MARCHF1: variants seen among roughly 807,000 people sequenced by gnomAD.
MARCHF1 encodes E3 ubiquitin-protein ligase MARCHF1.
In MARCHF1, 40 loss-of-function variants were observed where a neutral mutation model predicts 54.2. That is an observed-to-expected ratio of 0.74 (90% CI 0.57 to 0.96). The LOEUF (loss-of-function observed/expected upper bound fraction) is 0.96. Among genes scored for constraint, MARCHF1 ranks in the 40% least tolerant of loss-of-function variants. The pLI, the probability that MARCHF1 is intolerant of heterozygous loss-of-function variation, is 0.00. For synonymous variants in MARCHF1, 236 were observed against 236.3 expected, an observed-to-expected ratio of 1.00 and a Z score of 0.01; for missense variants, 586 against 656.5, an observed-to-expected ratio of 0.89 and a Z score of 1.17.
chr4:164,275,464 A>G (rs1203206765), intron 1 of MARCHF1, among the ~76,000 whole-genome samples: 1 of 152,178 alleles, frequency 6.6e-6, no homozygotes, highest in Admixed American at 6.5e-5. Context: ...GAGTGGGGGA[A>G]AGGTTAAAAA....
chr4:163,973,625 C>G (rs954369071), intron 3 of MARCHF1, among the ~76,000 whole-genome samples: 11 of 152,124 alleles, frequency 7.2e-5, no homozygotes, highest in African/African-American at 2.7e-4. Context: ...CGGGTTGTTA[C>G]AGTAATTAAC....
chr4:164,274,659 CTTTTTTTTTTT>C lies in MARCHF1; in HGVS notation c.-323+109200_-323+109210del, dbSNP rs70952617. On this transcript the variant is annotated intron_variant, in intron 1 of 9. Coordinates refer to ENST00000514618, the MANE Select transcript of MARCHF1 (RefSeq NM_001394959.1). ...CGCTTGATGTGTGCTTCAGGGTACACTTTTTTTTTTTTTTTTTTTTTTTTTTTTTTTTTTTT... is the reference window on the plus strand; with the variant it reads ...CGCTTGATGTGTGCTTCAGGGTACACTTTTTTTTTTTTTTTTTTTTTTTTT... Among the ~76,000 whole-genome samples, 357 of 44,656 alleles carry C rather than the reference CTTTTTTTTTTT, an allele frequency of 8.0e-3. 28 individuals carry two copies. Among genetic ancestry groups the C allele is most frequent in the African/African-American group, 0.024 (319 of 13,416 alleles). The allele number at this position is 44,656 out of a possible 152,430, so 29.3% of individuals were successfully genotyped here.
At chr4:164,169,612 G>T (rs1730471257) in intron 1 of MARCHF1, among the ~76,000 whole-genome samples, 1 of 152,070 alleles carries the variant, frequency 6.6e-6, no homozygotes, top group Non-Finnish European at 1.5e-5. Flanking sequence ...ACCCCCAAAA[G>T]AGAAATATAT....
intron 3 of MARCHF1, among the ~76,000 whole-genome samples, chr4:163,886,675 G>A (rs1329656344): frequency 6.6e-6 from 1 of 152,072 alleles, no homozygotes; most frequent in African/African-American, 2.4e-5. Flanking sequence ...AACTTCTATA[G>A]AATTCTCACT....
intron 9 of MARCHF1, among the ~76,000 whole-genome samples, chr4:163,532,163 G>A (rs1329845375): frequency 2.0e-5 from 3 of 151,774 alleles, no homozygotes; most frequent in Non-Finnish European, 4.4e-5. Context: ...GAAGAATAAA[G>A]TTTTTGAAAA....
In MARCHF1 at chr4:163,525,046, GT is replaced by G. The variant is rs1738049099; in HGVS notation, c.*3701del. The stretch of plus-strand genomic sequence containing the variant: ...TGGGCTGACTTAGGAAAGAAAAAAG[GT>G]TTTCATCTTTCTTAATTAAAGTATT... On this transcript the variant is annotated 3_prime_UTR_variant, in exon 10 of 10. Coordinates refer to ENST00000514618, the MANE Select transcript of MARCHF1 (RefSeq NM_001394959.1). 6.6e-6 allele frequency: 1 copy of G among 151,998 alleles called. No homozygotes were observed. The highest frequency in any genetic ancestry group is 2.4e-5 in the African/African-American group (1 of 41,396). The allele number at this position is 151,998 out of a possible 1,614,324, so 9.4% of individuals were successfully genotyped here. A position where few individuals can be genotyped will look rare whatever the true frequency, so the allele number is the denominator to read the frequency against.
chr4:164,141,933 C>T (rs974011188), intron 1 of MARCHF1, among the ~76,000 whole-genome samples: 1 of 119,926 alleles, frequency 8.3e-6, no homozygotes, highest in Non-Finnish European at 1.6e-5. Flanking sequence ...CTAGGGAGTG[C>T]CAGACAGTGG....
At chr4:164,159,879 T>C (rs1211442771) in intron 1 of MARCHF1, among the ~76,000 whole-genome samples, 1 of 152,116 alleles carries the variant, frequency 6.6e-6, no homozygotes, top group Non-Finnish European at 1.5e-5. Flanking sequence ...CTGGACCTCA[T>C]TCTTCATCTG....
chr4:163,901,839 T>C (rs1183212753), intron 3 of MARCHF1, among the ~76,000 whole-genome samples: 1 of 152,190 alleles, frequency 6.6e-6, no homozygotes, highest in Non-Finnish European at 1.5e-5. Flanking sequence ...CCAACAACGG[T>C]ACAAATGTGG....
chr4:163,802,944 C>T (rs1409460712), intron 4 of MARCHF1, among the ~76,000 whole-genome samples: 1 of 152,078 alleles, frequency 6.6e-6, no homozygotes, highest in African/African-American at 2.4e-5. Context: ...TCTGATGGCA[C>T]ACTCAAATGA....
rs537711737 is a variant in MARCHF1 at position 163,895,491 on chromosome 4, A to G, written c.-38-41322T>C. ...CCGCAAATCACACTCTGCCACCTAAACCAGAAGTAAGGCAGAGCATATTTC... is the reference window on the plus strand; with the variant it reads ...CCGCAAATCACACTCTGCCACCTAAGCCAGAAGTAAGGCAGAGCATATTTC... On this transcript the variant is annotated intron_variant, in intron 3 of 9. Transcript: ENST00000514618. Among the ~76,000 whole-genome samples the G allele has an allele frequency of 2.6e-5, 4 of 152,234 alleles. No individual in the cohort carries two copies. In the East Asian group the frequency reaches 7.7e-4, roughly 29 times the overall value.
chr4:163,703,228 AT>A lies in MARCHF1; in HGVS notation c.112-2366del, dbSNP rs899568645. Among the ~76,000 whole-genome samples the A allele has an allele frequency of 2.2e-3, 320 of 148,820 alleles. 3 individuals carry two copies. The Middle Eastern group carries it at 0.056, about 26-fold the overall frequency. ...GGTGATCATCATAGGTCACTATACA[AT>A]TTTTTTTTTTACATAAACATCTTAT... On this transcript the variant is annotated intron_variant, in intron 4 of 9. Transcript: ENST00000514618.
intron 7 of MARCHF1, among the ~76,000 whole-genome samples, chr4:163,591,635 C>A (rs879855520): frequency 1.6e-4 from 25 of 152,072 alleles, no homozygotes; most frequent in Admixed American, 1.6e-3. Flanking sequence ...GACTGGCTTT[C>A]ATTAAGCTTC....
intron 1 of MARCHF1, among the ~76,000 whole-genome samples, chr4:164,327,317 T>C (rs1276417812): frequency 6.6e-6 from 1 of 152,152 alleles, no homozygotes; most frequent in Non-Finnish European, 1.5e-5. Context: ...ATTCTAGATA[T>C]GACTGTTGAG....
intron 2 of MARCHF1, among the ~76,000 whole-genome samples, chr4:164,032,296 T>C (rs1278156760): frequency 6.6e-6 from 1 of 152,174 alleles, no homozygotes; most frequent in Non-Finnish European, 1.5e-5. Flanking sequence ...CTTGGATTCA[T>C]TGATTTTTTT....
At chr4:163,972,447 C>G (rs1752564809) in intron 3 of MARCHF1, among the ~76,000 whole-genome samples, 1 of 152,044 alleles carries the variant, frequency 6.6e-6, no homozygotes, top group Non-Finnish European at 1.5e-5. Flanking sequence ...AGAAATTGTT[C>G]AAGTTTAAAA....
intron 4 of MARCHF1, among the ~76,000 whole-genome samples, chr4:163,847,191 T>A (rs1484937550): frequency 2.6e-5 from 4 of 152,176 alleles, no homozygotes; most frequent in African/African-American, 9.6e-5. Flanking sequence ...CTTCTAAAAG[T>A]CAAAAGAAAA....
intron 1 of MARCHF1, among the ~76,000 whole-genome samples, chr4:164,142,229 G>C (rs11100537): frequency 6.6e-6 from 1 of 152,020 alleles, no homozygotes; most frequent in African/African-American, 2.4e-5. Context: ...CTGCAAGGCC[G>C]CAGCCAGGCT....
At chr4:164,381,354 A>T (rs1731365004) in intron 1 of MARCHF1, among the ~76,000 whole-genome samples, 3 of 152,198 alleles carry the variant, frequency 2.0e-5, no homozygotes, top group South Asian at 4.1e-4. Flanking sequence ...AATAAGTCAA[A>T]TTATATCTAT....
Sources: gnomAD v4.1 joint callset for allele counts (sites outside exome capture counted in the v4.1 genomes callset) on GRCh38, gnomAD v4.1.1 for gene constraint, MANE v1.5 for transcripts, NCBI Gene and HGNC (gene_info 2026-07-23, HGNC 2026-07-21) for gene names.